CHID1: variants seen among roughly 807,000 people sequenced by gnomAD.
The protein encoded by CHID1 is chitinase domain-containing protein 1.
Under a neutral mutation model 55.4 loss-of-function variants are expected in CHID1, and 44 were observed. The observed-to-expected ratio is 0.79, with a 90% CI of 0.62 to 1.02. The LOEUF (loss-of-function observed/expected upper bound fraction) is 1.02. Among genes scored for constraint, CHID1 ranks in the 50% least tolerant of loss-of-function variants. The pLI is 0.00. For missense variants in CHID1, 491 were observed against 515.3 expected, an observed-to-expected ratio of 0.95 and a Z score of 0.46; for synonymous variants, 216 against 212.9, an observed-to-expected ratio of 1.01 and a Z score of -0.13.
intron 6 of CHID1, 22 bp from the exon 7 acceptor site, chr11:899,423 G>A (rs2134302158): frequency 1.3e-6 from 2 of 1,587,090 alleles, no homozygotes; most frequent in Non-Finnish European, 1.7e-6. Context: ...AGTCACAGGT[G>A]AGGAGGGCCT....
intron 2 of CHID1, 136 bp downstream of exon 2, chr11:904,570 G>C: frequency 1.1e-6 from 1 of 948,054 alleles, no homozygotes; most frequent in South Asian, 1.6e-5. Flanking sequence ...CACCGGCTGC[G>C]GGCTCATCAG....
intron 7 of CHID1, among the ~76,000 whole-genome samples, chr11:894,121 CAAAAAAAAAAAAAA>C (rs58548115): frequency 5.2e-5 from 3 of 58,050 alleles, no homozygotes; most frequent in African/African-American, 6.4e-5. Context: ...GACTCTGTCT[CAAAAAAAAAAAAAA>C]AAAAAAAAAA....
At chr11:910,821 C>A, upstream of CHID1, 7 of 1,097,744 alleles carry the variant, frequency 6.4e-6, no homozygotes, top group Non-Finnish European at 7.8e-6. Flanking sequence ...GGCCGGAAAA[C>A]GCTCCAGCGC....
chr11:871,887 C>T (rs369946931), intron 10 of CHID1, among the ~76,000 whole-genome samples: 33 of 152,328 alleles, frequency 2.2e-4, no homozygotes, highest in East Asian at 2.1e-3. Flanking sequence ...GGCTCCCAAA[C>T]GGGAAAGGCT....
intron 8 of CHID1, among the ~76,000 whole-genome samples, chr11:884,466 G>A (rs1565174733): frequency 6.6e-6 from 1 of 152,158 alleles, no homozygotes; most frequent in South Asian, 2.1e-4. Flanking sequence ...GGAGGGGCAA[G>A]GTCAGTGGAG....
chr11:883,102 G>A lies in CHID1; in HGVS notation c.959+46C>T, dbSNP rs372840469. On this transcript the variant is annotated intron_variant, in intron 10 of 12. Transcript: ENST00000323578. ...TGTCTCCTTACACCCACACCCACCC[G>A]CGCCCAGTGACACCTTCAGCACGGC... The A allele has an allele frequency of 2.8e-5, 45 of 1,580,542 alleles. No homozygotes were observed. The Admixed American group carries it at 3.2e-4, about 11-fold the overall frequency.
At chr11:898,045 G>A (rs548828317) in intron 7 of CHID1, among the ~76,000 whole-genome samples, 9 of 152,316 alleles carry the variant, frequency 5.9e-5, no homozygotes, top group African/African-American at 1.7e-4. Flanking sequence ...GGGAGGAGCG[G>A]CAGGGCTGCA....
rs535028455 is a variant in CHID1, at chr11:892,955, TG to T, written c.701+471del. 2.8e-4 allele frequency among the ~76,000 whole-genome samples: 42 copies of T among 152,308 alleles called. No individual in the cohort carries two copies. In the South Asian group the frequency reaches 7.7e-3, roughly 28 times the overall value. On this transcript the variant is annotated intron_variant, in intron 8 of 12. Transcript: ENST00000323578. The stretch of plus-strand genomic sequence containing the variant: ...GAGTCCCTCTAGCCAACCTTGGGTT[TG>T]GGGGTGCACCCAACCGCACACAGCG...
At chr11:901,375 C>A (rs1426291344) in intron 4 of CHID1, among the ~76,000 whole-genome samples, 1 of 152,210 alleles carries the variant, frequency 6.6e-6, no homozygotes, top group Non-Finnish European at 1.5e-5. Flanking sequence ...CCATCACCTC[C>A]CCACGGTTCT....
At chr11:901,360 A>T (rs1331400715) in intron 4 of CHID1, among the ~76,000 whole-genome samples, 1 of 152,198 alleles carries the variant, frequency 6.6e-6, no homozygotes, top group Admixed American at 6.5e-5. Context: ...ACACTGGCTG[A>T]CATTCCATCA....
At chr11:871,755 C>T (rs746133053) in intron 10 of CHID1, among the ~76,000 whole-genome samples, 58 of 152,248 alleles carry the variant, frequency 3.8e-4, no homozygotes, top group Non-Finnish European at 7.1e-4. Flanking sequence ...GTGGCATGGA[C>T]ATCCGCAGGA....
chr11:896,918 C>CACA (rs10634994), intron 7 of CHID1, among the ~76,000 whole-genome samples: 2 of 42,870 alleles, frequency 4.7e-5, no homozygotes, highest in Non-Finnish European at 8.6e-5. Flanking sequence ...CCACCCCAGA[C>CACA]ACGAGCCTGT....
intron 10 of CHID1, among the ~76,000 whole-genome samples, chr11:882,097 T>C (rs975910272): frequency 1.1e-4 from 16 of 150,286 alleles, no homozygotes; most frequent in Non-Finnish European, 2.4e-4. Flanking sequence ...GAGGCCAAGG[T>C]GGGCGGATCA....
rs774880059 is a variant in CHID1, at chr11:900,971, C to T, written c.404G>A (p.Arg135Gln). The T allele has an allele frequency of 8.7e-6, 14 of 1,601,018 alleles. No individual in the cohort carries two copies. Among genetic ancestry groups the T allele is most frequent in the African/African-American group, 8.1e-5 (6 of 74,080 alleles). Reference sequence around the variant, plus strand: ...GCCCTTGGCATGCTTCCTGACAGCTCGCATCCACCCTGTGGGACATGGAGG... The same window carrying T: ...GCCCTTGGCATGCTTCCTGACAGCTTGCATCCACCCTGTGGGACATGGAGG... Reference protein sequence around the residue: ...GLHDVDQGWMRAVRKHAKGLH... With the variant: ...GLHDVDQGWMQAVRKHAKGLH... The change falls in exon 5 of 13, where the codon CGA (arginine) becomes CAA (glutamine). Residue 135 changes from arginine to glutamine, a missense_variant. Coordinates refer to ENST00000323578, the MANE Select transcript of CHID1 (RefSeq NM_023947.4).
chr11:890,348 C>A (rs575578504), intron 8 of CHID1, among the ~76,000 whole-genome samples: 1 of 152,228 alleles, frequency 6.6e-6, no homozygotes, highest in Non-Finnish European at 1.5e-5. Context: ...GCTGGGGATA[C>A]GGTGACGGCG....
At chr11:906,129 T>TCGAAA (rs1852194607) in intron 1 of CHID1, among the ~76,000 whole-genome samples, 1 of 152,072 alleles carries the variant, frequency 6.6e-6, no homozygotes, top group Non-Finnish European at 1.5e-5. Context: ...AGATGAGGTT[T>TCGAAA]CACCACATTG....
intron 7 of CHID1, among the ~76,000 whole-genome samples, chr11:898,924 G>A (rs757739804): frequency 1.2e-4 from 18 of 152,216 alleles, no homozygotes; most frequent in Non-Finnish European, 1.9e-4. Context: ...GGTCCTGGCC[G>A]TGCTCAGGGA....
intron 10 of CHID1, among the ~76,000 whole-genome samples, chr11:874,012 C>T (rs1359990159): frequency 6.6e-6 from 1 of 151,914 alleles, no homozygotes; most frequent in Non-Finnish European, 1.5e-5. Flanking sequence ...GAAAGATGTC[C>T]TTGGACCTCC....
intron 10 of CHID1, among the ~76,000 whole-genome samples, chr11:877,066 GGAGT>G (rs2134133627): frequency 6.6e-6 from 1 of 152,280 alleles, no homozygotes; most frequent in African/African-American, 2.4e-5. Context: ...TTCTCAGCTG[GGAGT>G]GAGGACCCAG....
Sources: gnomAD v4.1 joint callset for allele counts (sites outside exome capture counted in the v4.1 genomes callset) on GRCh38, gnomAD v4.1.1 for gene constraint, MANE v1.5 for transcripts, NCBI Gene and HGNC (gene_info 2026-07-23, HGNC 2026-07-21) for gene names.